Variants in POC5 observed in about 807,000 individuals in gnomAD.
The protein encoded by POC5 is centrosomal protein POC5.
Under a neutral mutation model 62.9 loss-of-function variants are expected in POC5, and 48 were observed. The ratio of observed to expected loss-of-function variants is 0.76; its 90% confidence interval spans 0.61 to 0.97. The LOEUF (loss-of-function observed/expected upper bound fraction) is 0.97. POC5 is among the 50% of genes least tolerant of loss of function. The pLI is 0.00. For synonymous variants in POC5, 236 were observed against 228.2 expected, an observed-to-expected ratio of 1.03 and a Z score of -0.31; for missense variants, 696 against 679.5, an observed-to-expected ratio of 1.02 and a Z score of -0.27.
intron 6 of POC5, among the ~76,000 whole-genome samples, chr5:75,693,003 ATATGT>A (rs1776404488): frequency 6.8e-6 from 1 of 147,276 alleles, no homozygotes; most frequent in Non-Finnish European, 1.5e-5. Flanking sequence ...GTAACTATTA[ATATGT>A]TATAGTTATA....
intron 2 of POC5, among the ~76,000 whole-genome samples, chr5:75,711,875 G>A (rs1253361093): frequency 6.6e-6 from 1 of 152,132 alleles, no homozygotes; most frequent in Non-Finnish European, 1.5e-5. Context: ...GAGCTCACAA[G>A]GTGTTTACAT....
chr5:75,703,580 C>T (rs144591545), intron 4 of POC5, among the ~76,000 whole-genome samples: 10 of 151,918 alleles, frequency 6.6e-5, no homozygotes, highest in African/African-American at 1.5e-4. Context: ...GAGCCGAGAT[C>T]GTGCCACTGC....
In POC5 at chr5:75,692,449, A is replaced by C; in HGVS notation, c.742T>G (p.Leu248Val). 1 of 1,600,016 alleles carries C rather than the reference A, an allele frequency of 6.2e-7. No homozygotes were observed. Among genetic ancestry groups the C allele is most frequent in the Non-Finnish European group, 8.5e-7 (1 of 1,172,940 alleles). ...AIGKQKEKIE[L>V]MRTFFHWRIG... ...CGCCAGTGGAAGAATGTTCTCATCA[A>C]CTCTATCTTTTCCTTTTGCTTGCCT... Residue 248 changes from leucine to valine, a missense_variant, in exon 7 of 12, where the codon TTG becomes GTG. By Grantham distance (32) the Leu-to-Val change is conservative. Transcript: ENST00000428202.
At chr5:75,683,900 C>T (rs1049596001) in intron 10 of POC5, among the ~76,000 whole-genome samples, 10 of 152,204 alleles carry the variant, frequency 6.6e-5, no homozygotes, top group South Asian at 2.1e-4. Context: ...GATGAGGTCT[C>T]GCTATATTGC....
chr5:75,693,614 A>T (rs767387165), intron 6 of POC5, among the ~76,000 whole-genome samples: 18 of 144,536 alleles, frequency 1.2e-4, no homozygotes, highest in Non-Finnish European at 2.6e-4. Flanking sequence ...TGACATTAAA[A>T]TCCATTGTTT....
Position 75,674,308 on chromosome 5 carries a change from T to C in POC5, c.*127A>G, listed in dbSNP as rs1775569965. 8 of 928,660 alleles carry C rather than the reference T, an allele frequency of 8.6e-6. No individual in the cohort carries two copies. The South Asian group carries it at 2.1e-4, about 25-fold the overall frequency. The allele number at this position is 928,660 out of a possible 1,614,324, so 57.5% of individuals were successfully genotyped here. A position where few individuals can be genotyped will look rare whatever the true frequency, so the allele number is the denominator to read the frequency against. On this transcript the variant is annotated 3_prime_UTR_variant, in exon 12 of 12. Coordinates refer to ENST00000428202, the MANE Select transcript of POC5 (RefSeq NM_001099271.2). Reference sequence around the variant, plus strand: ...TGGTAGAGCTTGAAAAAGCCTCTTGTAATTTTGAACAGATGAACATGATGT... The same window carrying C: ...TGGTAGAGCTTGAAAAAGCCTCTTGCAATTTTGAACAGATGAACATGATGT...
intron 10 of POC5, among the ~76,000 whole-genome samples, chr5:75,684,808 GATTT>G: frequency 7.1e-6 from 1 of 140,106 alleles, no homozygotes; most frequent in East Asian, 2.0e-4. Flanking sequence ...AAATACCACA[GATTT>G]TTTTTTTCTC....
chr5:75,678,003 A>G, intron 10 of POC5, 53 bp from the exon 11 acceptor site: 1 of 1,358,412 alleles, frequency 7.4e-7, no homozygotes. Context: ...AATCCACAGC[A>G]AAATCTATTG....
In POC5 at chr5:75,689,110, T is replaced by G. The variant is rs1038372612; in HGVS notation, c.1031A>C (p.Lys344Thr). The stretch of plus-strand genomic sequence containing the variant: ...TTTCATGGAATCTTCAAAGTGCTCT[T>G]TTTCATGTTGCATTCTTTGAATCTC... Reference protein sequence around the residue: ...KAEIQRMQHEKEHFEDSMKKA... With the variant: ...KAEIQRMQHETEHFEDSMKKA... The change falls in exon 9 of 12, where the codon AAA becomes ACA. Residue 344 changes from lysine (K) to threonine (T), a missense_variant. Transcript: ENST00000428202. 6.3e-7 allele frequency: 1 copy of G among 1,591,714 alleles called. No homozygotes were observed. The highest frequency in any genetic ancestry group is 1.3e-5 in the African/African-American group (1 of 74,656).
At chr5:75,709,715 A>G (rs1461040763) in intron 2 of POC5, 1 of 152,242 alleles carries the variant, frequency 6.6e-6, no homozygotes, top group Non-Finnish European at 1.5e-5. Flanking sequence ...ATTATCAAAA[A>G]GAAATTCCCA....
rs1464407556 is a variant in POC5, at chr5:75,696,720, G to A, written c.514-1889C>T. On this transcript the variant is annotated intron_variant, in intron 5 of 11. Transcript: ENST00000428202. ...ACAAAGCTGGATGGAGAATGACTTT[G>A]ACGAGCTGAGAAGGCTTCAGACGAT... 2.6e-5 allele frequency among the ~76,000 whole-genome samples: 4 copies of A among 152,360 alleles called. No homozygotes were observed. The South Asian group carries it at 8.3e-4, about 32-fold the overall frequency.
At position 75,712,378 on chromosome 5, in the gene POC5, A is replaced by G. The variant is rs867170096; in HGVS notation, c.84+476T>C. 1.2e-5 allele frequency: 19 copies of G among 1,604,174 alleles called. No individual in the cohort carries two copies. In the African/African-American group the frequency reaches 2.5e-4, roughly 21 times the overall value. On this transcript the variant is annotated intron_variant, in intron 2 of 11. Transcript: ENST00000428202. ...CACACCCTCTGTAGTTAACTGACCC[A>G]CTTCATTTTATCTGTCAATGTCCAG...
chr5:75,705,780 G>T lies in POC5; in HGVS notation c.231C>A (p.Asn77Lys), dbSNP rs1332376993. ...CTATTGCAGTTTCTCTTACTTCAGA[G>T]TTATTTCCTGCCAAAAAGAAAGCTT... The part of the protein sequence containing the change: ...IHDILHSQGN[N>K]SEVRETAIEV... Residue 77 changes from asparagine (N) to lysine (K), a missense_variant, in exon 4 of 12, where the codon AAC (asparagine) becomes AAA (lysine). Asn to Lys is a moderately conservative substitution (Grantham distance 94). Transcript: ENST00000428202. The T allele has an allele frequency of 6.5e-6, 10 of 1,536,034 alleles. No individual in the cohort carries two copies. The highest frequency in any genetic ancestry group is 1.4e-5 in the African/African-American group (1 of 72,162).
chr5:75,689,361 C>A, intron 8 of POC5, 196 bp from the exon 9 acceptor site: 3 of 984,794 alleles, frequency 3.0e-6, no homozygotes, highest in Non-Finnish European at 3.6e-6. Flanking sequence ...TGCTTTCATT[C>A]CTAACCTTAA....
intron 9 of POC5, 51 bp downstream of exon 9, chr5:75,688,961 C>T: frequency 7.5e-6 from 11 of 1,469,614 alleles, no homozygotes; most frequent in Non-Finnish European, 9.9e-6. Context: ...ACCAAAATCT[C>T]CTCAAATCTT....
Position 75,702,640 on chromosome 5 carries a change from CCATCTTCTGAAGGTTTT to C in POC5, c.461_477del (p.Glu154GlyfsTer5). The C allele has an allele frequency of 6.2e-7, 1 of 1,613,312 alleles. No homozygotes were observed. The highest frequency in any genetic ancestry group is 8.5e-7 in the Non-Finnish European group (1 of 1,179,680). ...GAACTCCAAAGATCAAGCACATTTT[CCATCTTCTGAAGGTTTT>C]CATCAGAAACAAGAAAATCGCTCAC... On this transcript the variant is annotated frameshift_variant, in exon 5 of 12. Transcript: ENST00000428202. LOFTEE classifies it high-confidence loss of function.
At chr5:75,715,789 A>G (rs947976312) in intron 1 of POC5, among the ~76,000 whole-genome samples, 1 of 152,238 alleles carries the variant, frequency 6.6e-6, no homozygotes, top group Admixed American at 6.5e-5. Context: ...TACGACTGTG[A>G]ATGAGAAGAG....
chr5:75,693,053 TATTA>T (rs1223622714), intron 6 of POC5, among the ~76,000 whole-genome samples: 2 of 148,140 alleles, frequency 1.4e-5, no homozygotes, highest in Admixed American at 6.8e-5. Context: ...TATATATACC[TATTA>T]ATAACATGTT....
In POC5 at chr5:75,677,817, G is replaced by T; in HGVS notation, c.1541C>A (p.Pro514His). 1 of 1,612,106 alleles carries T rather than the reference G, an allele frequency of 6.2e-7. No individual in the cohort carries two copies. The change falls in exon 11 of 12, where the codon CCC becomes CAC. Residue 514 changes from proline to histidine, a missense_variant. By Grantham distance (77) the Pro-to-His change is moderately conservative (BLOSUM62 -2). Coordinates refer to ENST00000428202, the MANE Select transcript of POC5 (RefSeq NM_001099271.2). ...TTTTTCCACAACAACTGAGCTCATGGGAGGAGAAACTCCCATTATAGCTAA... is the reference window on the plus strand; with the variant it reads ...TTTTTCCACAACAACTGAGCTCATGTGAGGAGAAACTCCCATTATAGCTAA... The part of the protein sequence containing the change: ...SSLAIMGVSP[P>H]MSSVVVEKHH...
Sources: allele counts gnomAD v4.1 joint callset (sites outside exome capture counted in the v4.1 genomes callset), GRCh38; gene constraint gnomAD v4.1.1; transcripts MANE v1.5; gene names NCBI Gene and HGNC (gene_info 2026-07-23, HGNC 2026-07-21).